Variants in SUGCT observed in about 807,000 individuals in gnomAD.
The protein encoded by SUGCT is succinyl-CoA:glutarate CoA-transferase.
Under a neutral mutation model 55.0 loss-of-function variants are expected in SUGCT, and 41 were observed. The observed-to-expected ratio is 0.74, with a 90% CI of 0.58 to 0.97. The LOEUF (loss-of-function observed/expected upper bound fraction) is 0.97, where lower values mean the gene tolerates loss of function less well. Ranked by LOEUF, SUGCT falls within the 50% of genes least tolerant of loss-of-function variation. The pLI is 0.00. For missense variants in SUGCT, 568 were observed against 547.8 expected, an observed-to-expected ratio of 1.04 and a Z score of -0.37; for synonymous variants, 187 against 200.4, an observed-to-expected ratio of 0.93 and a Z score of 0.56.
chr7:40,788,602 G>A (rs1490618995), intron 13 of SUGCT, among the ~76,000 whole-genome samples: 1 of 152,214 alleles, frequency 6.6e-6, no homozygotes, highest in African/African-American at 2.4e-5. Context: ...AGCCTATAAA[G>A]TTACTGTTCT....
At chr7:40,218,381 A>C (rs1045841453) in intron 6 of SUGCT, among the ~76,000 whole-genome samples, 1 of 152,124 alleles carries the variant, frequency 6.6e-6, no homozygotes, top group East Asian at 1.9e-4. Flanking sequence ...AAGTGGGGGG[A>C]AAAGTGTTGT....
At chr7:40,528,775 T>A (rs1793934513) in intron 12 of SUGCT, among the ~76,000 whole-genome samples, 1 of 152,134 alleles carries the variant, frequency 6.6e-6, no homozygotes, top group Non-Finnish European at 1.5e-5. Flanking sequence ...GTTCCTTGAT[T>A]CCCCCAACTC....
At chr7:40,600,134 C>A (rs1450068446) in intron 12 of SUGCT, among the ~76,000 whole-genome samples, 2 of 152,216 alleles carry the variant, frequency 1.3e-5, no homozygotes, top group African/African-American at 4.8e-5. Context: ...GTCACAGCCT[C>A]TTCCTGGATG....
At chr7:40,249,850 G>A (rs113667968) in intron 7 of SUGCT, among the ~76,000 whole-genome samples, 3,275 of 152,112 alleles carry the variant, frequency 0.022, 100 homozygotes, top group African/African-American at 0.074. Context: ...GCAGTGGCGC[G>A]ATCTCGGCTC....
chr7:40,344,929 C>T (rs1211603811), intron 9 of SUGCT, among the ~76,000 whole-genome samples: 3 of 152,114 alleles, frequency 2.0e-5, no homozygotes, highest in Admixed American at 2.0e-4. Flanking sequence ...AAGTGTTTAG[C>T]AACTCAGCAT....
At chr7:40,315,531 A>T (rs1396146324) in intron 8 of SUGCT, among the ~76,000 whole-genome samples, 1 of 152,246 alleles carries the variant, frequency 6.6e-6, no homozygotes, top group Non-Finnish European at 1.5e-5. Flanking sequence ...AAATGAACAT[A>T]AAAGTGAGTT....
chr7:40,419,121 C>A (rs1376070083), intron 9 of SUGCT, among the ~76,000 whole-genome samples: 1 of 152,036 alleles, frequency 6.6e-6, no homozygotes, highest in Non-Finnish European at 1.5e-5. Flanking sequence ...AATATGTGCT[C>A]ATTTATGGGG....
At chr7:40,581,878 G>A (rs1584043959) in intron 12 of SUGCT, among the ~76,000 whole-genome samples, 2 of 152,162 alleles carry the variant, frequency 1.3e-5, no homozygotes, top group Admixed American at 1.3e-4. Context: ...GTAAAAACTG[G>A]CCTAAGAAAT....
chr7:40,411,232 A>C (rs928223495), intron 9 of SUGCT, among the ~76,000 whole-genome samples: 3 of 152,136 alleles, frequency 2.0e-5, no homozygotes, highest in Non-Finnish European at 4.4e-5. Context: ...ATCCCTACTA[A>C]AAATCCAAAA....
chr7:40,976,979 C>A, the SUGCT span, among the ~76,000 whole-genome samples: 5 of 152,116 alleles, frequency 3.3e-5, no homozygotes, highest in Non-Finnish European at 7.4e-5. Flanking sequence ...TCTGAATGAC[C>A]AATTCTGGTT....
chr7:40,978,636 C>T, the SUGCT span, among the ~76,000 whole-genome samples: 48,992 of 151,992 alleles, frequency 0.32, 9,785 homozygotes, highest in Admixed American at 0.5. Context: ...GGATGGATTT[C>T]GAATGGGGCA....
At chr7:40,728,995 C>T (rs988559725) in intron 12 of SUGCT, among the ~76,000 whole-genome samples, 18 of 152,110 alleles carry the variant, frequency 1.2e-4, no homozygotes, top group Non-Finnish European at 1.2e-4. Flanking sequence ...GATAATTAAA[C>T]CATTTTGACA....
At chr7:40,887,271 A>G in the SUGCT span, among the ~76,000 whole-genome samples, 1 of 152,216 alleles carries the variant, frequency 6.6e-6, no homozygotes, top group Non-Finnish European at 1.5e-5. Context: ...GTGATATGAC[A>G]TACTTATGAG....
intron 8 of SUGCT, among the ~76,000 whole-genome samples, chr7:40,314,521 G>A (rs978306839): frequency 1.3e-5 from 2 of 149,758 alleles, no homozygotes; most frequent in East Asian, 3.9e-4. Flanking sequence ...TTCAGGAAGG[G>A]GTGTCAAGGG....
chr7:40,331,008 A>G (rs1796281500), intron 9 of SUGCT, among the ~76,000 whole-genome samples: 2 of 152,220 alleles, frequency 1.3e-5, no homozygotes, highest in Admixed American at 1.3e-4. Flanking sequence ...CATTGAAAGA[A>G]GAAGAATTGT....
chr7:40,442,827 C>A (rs1788590666), intron 9 of SUGCT, among the ~76,000 whole-genome samples: 1 of 152,122 alleles, frequency 6.6e-6, no homozygotes. Flanking sequence ...CACCCATTAA[C>A]TCGTCATTTA....
the SUGCT span, among the ~76,000 whole-genome samples, chr7:40,910,331 T>G: frequency 6.6e-6 from 1 of 152,102 alleles, no homozygotes; most frequent in African/African-American, 2.4e-5. Flanking sequence ...TCTGAGAAGA[T>G]TAACTTTTAA....
At chr7:40,917,787 TAGAG>T in the SUGCT span, among the ~76,000 whole-genome samples, 30 of 152,236 alleles carry the variant, frequency 2.0e-4, no homozygotes, top group South Asian at 8.3e-4. Flanking sequence ...CCTCAGATGG[TAGAG>T]AGAAGAACCT....
chr7:40,138,785 G>A (rs1354489330), intron 1 of SUGCT, among the ~76,000 whole-genome samples: 1 of 152,096 alleles, frequency 6.6e-6, no homozygotes, highest in East Asian at 1.9e-4. Flanking sequence ...TTTTACTCAT[G>A]GCAGTACACA....
Sources: allele counts gnomAD v4.1 joint callset (sites outside exome capture counted in the v4.1 genomes callset), GRCh38; gene constraint gnomAD v4.1.1; transcripts MANE v1.5; gene names NCBI Gene and HGNC (gene_info 2026-07-23, HGNC 2026-07-21).